Variants in ZNF283 observed in about 807,000 individuals in gnomAD.
ZNF283 encodes the protein zinc finger protein 283.
ZNF283 carries 10 observed loss-of-function variants against 9.2 expected under a neutral mutation model. The observed-to-expected ratio is 1.09, with a 90% CI of 0.67 to 1.85. The LOEUF (loss-of-function observed/expected upper bound fraction) is 1.85, where lower values mean the gene tolerates loss of function less well. Ranked by LOEUF, ZNF283 falls within the 40% of genes most tolerant of loss-of-function variation. The pLI, the probability that ZNF283 is intolerant of heterozygous loss-of-function variation, is 0.00. For missense variants in ZNF283, 631 were observed against 760.1 expected (o/e 0.83, Z 2.00); for synonymous variants, 234 against 244.1 (o/e 0.96, Z 0.38).
chr19:43,837,386 G>C, intron 6 of ZNF283: 1 of 445,960 alleles, frequency 2.2e-6, no homozygotes, highest in Non-Finnish European at 3.9e-6. Context: ...CACCATTCTC[G>C]GGCCCTCCCT....
intron 4 of ZNF283, among the ~76,000 whole-genome samples, chr19:43,835,135 A>G (rs554450176): frequency 6.6e-6 from 1 of 152,304 alleles, no homozygotes; most frequent in Non-Finnish European, 1.5e-5. Flanking sequence ...TTCCTGATGA[A>G]TTCCTTATAC....
At position 43,848,263 on chromosome 19, in the gene ZNF283, T is replaced by C. The variant is rs1172006725; in HGVS notation, c.1662T>C (p.Arg554=). 2.5e-6 allele frequency: 4 copies of C among 1,613,292 alleles called. No individual in the cohort carries two copies. The African/African-American group carries it at 4.0e-5, about 16-fold the overall frequency. The part of the protein sequence containing the change: ...ECKECGKAFS[R]GYHLTQHQKI... ...AAGAATGTGGGAAGGCTTTTAGTCG[T>C]GGCTATCACCTTACTCAACATCAGA... Residue 554 remains arginine, a synonymous_variant, in exon 7 of 7, where the codon CGT becomes CGC. Coordinates refer to ENST00000618787, the MANE Select transcript of ZNF283 (RefSeq NM_181845.2).
chr19:43,829,486 A>G (rs1970610445), intron 2 of ZNF283, among the ~76,000 whole-genome samples: 1 of 152,188 alleles, frequency 6.6e-6, no homozygotes, highest in Non-Finnish European at 1.5e-5. Context: ...TAGACAATTG[A>G]TTCAGGCCCT....
Position 43,837,054 on chromosome 19 carries a change from G to A in ZNF283, c.212G>A (p.Gly71Glu). The A allele has an allele frequency of 6.2e-7, 1 of 1,613,776 alleles. No individual in the cohort carries two copies. Among genetic ancestry groups the A allele is most frequent in the Non-Finnish European group, 8.5e-7 (1 of 1,179,914 alleles). The change falls in exon 6 of 7, where the codon GGG becomes GAG. Residue 71 changes from glycine to glutamate, a missense_variant and splice_region_variant. Physicochemically the swap from Gly to Glu is moderately conservative, Grantham distance 98. Around this residue, in one of 3 missense-constraint regions of ZNF283, gnomAD observed 184 missense variants for 220.0 expected, o/e 0.84. Transcript: ENST00000618787. ...TAATACATGGGTTTTTGGTTTTAGG[G>A]GTTGGTGACATTCAGGGATGTGGCC... ...SSCNSRTMTD[G>E]LVTFRDVAID...
intron 3 of ZNF283, among the ~76,000 whole-genome samples, 174 bp downstream of exon 3, chr19:43,831,555 T>TC (rs1271032570): frequency 6.6e-6 from 1 of 152,130 alleles, no homozygotes; most frequent in African/African-American, 2.4e-5. Context: ...AACTCAGCGG[T>TC]CCAGGAGACA....
chr19:43,851,489 G>T lies in ZNF283; in HGVS notation c.*2848G>T, dbSNP rs1439207083. On this transcript the variant is annotated 3_prime_UTR_variant, in exon 7 of 7. Coordinates refer to ENST00000618787, the MANE Select transcript of ZNF283 (RefSeq NM_181845.2). Reference sequence around the variant, plus strand: ...CCCAGAACTTTGGGAAGCCGAGGCGGGCGGATCACGAGGTCAGGAGATCAA... The same window carrying T: ...CCCAGAACTTTGGGAAGCCGAGGCGTGCGGATCACGAGGTCAGGAGATCAA... 1.3e-5 allele frequency: 2 copies of T among 151,644 alleles called. No homozygotes were observed. Among genetic ancestry groups the T allele is most frequent in the East Asian group, 3.9e-4 (2 of 5,174 alleles). 9.4% of individuals were successfully genotyped at this position (151,644 alleles called of 1,614,324 possible).
chr19:43,847,124 T>C lies in ZNF283; in HGVS notation c.523T>C (p.Phe175Leu). The change falls in exon 7 of 7, where the codon TTC becomes CTC. Residue 175 changes from phenylalanine to leucine, a missense_variant. Around this residue, in one of 3 missense-constraint regions of ZNF283, gnomAD observed 184 missense variants for 220.0 expected, o/e 0.84. Transcript: ENST00000618787. ...ACTAAAAGGACATCAAGAGGGATAC[T>C]TCAGTCAAATGATAATCAGCTATGA... is the stretch of plus-strand genomic sequence containing the variant. The part of the protein sequence containing the change: ...EGLKGHQEGY[F>L]SQMIISYEKI... 6.2e-7 allele frequency: 1 copy of C among 1,613,488 alleles called. No homozygotes were observed. The highest frequency in any genetic ancestry group is 8.5e-7 in the Non-Finnish European group (1 of 1,179,604).
Position 43,848,173 on chromosome 19 carries a change from T to C in ZNF283, c.1572T>C (p.Phe524=), listed in dbSNP as rs761671568. Residue 524 remains phenylalanine, a synonymous_variant, in exon 7 of 7, where the codon TTT becomes TTC. Coordinates refer to ENST00000618787, the MANE Select transcript of ZNF283 (RefSeq NM_181845.2). ...PYECKECGKA[F]NCGSSLVQHE... is the part of the protein sequence containing the mutation. ...AATGTAAGGAATGTGGGAAGGCTTT[T>C]AATTGTGGATCAAGCCTTGTTCAAC... 1.9e-6 allele frequency: 3 copies of C among 1,613,650 alleles called. No homozygotes were observed. In the South Asian group the frequency reaches 3.3e-5, roughly 18 times the overall value.
Position 43,847,865 on chromosome 19 carries a change from G to C in ZNF283, c.1264G>C (p.Glu422Gln). The C allele has an allele frequency of 6.2e-7, 1 of 1,613,132 alleles. No homozygotes were observed. The highest frequency in any genetic ancestry group is 8.5e-7 in the Non-Finnish European group (1 of 1,179,774). The change falls in exon 7 of 7, where the codon GAA becomes CAA. Residue 422 changes from glutamate to glutamine, a missense_variant. Glu to Gln is a conservative substitution (Grantham distance 29). Around this residue, in one of 3 missense-constraint regions of ZNF283, gnomAD observed 444 missense variants for 522.5 expected, o/e 0.85. Transcript: ENST00000618787. ...FNCGSSLIQH[E>Q]RIHTGEKPYE... ...TTGCGGATCAAGTCTTATTCAACAT[G>C]AAAGAATTCATACTGGTGAGAAACC...
At position 43,847,165 on chromosome 19, in the gene ZNF283, C is replaced by G; in HGVS notation, c.564C>G (p.Tyr188Ter). 1 of 1,613,540 alleles carries G rather than the reference C, an allele frequency of 6.2e-7. No individual in the cohort carries two copies. The highest frequency in any genetic ancestry group is 8.5e-7 in the Non-Finnish European group (1 of 1,179,656). Residue 188 changes from tyrosine (Y) to a stop codon, truncating the protein, a stop_gained, in exon 7 of 7, where the codon TAC (tyrosine) becomes TAG (stop). Transcript: ENST00000618787. LOFTEE classifies it low-confidence loss of function (END_TRUNC). ...TCAGCTATGAAAAAATACCTTCTTA[C>G]AGAAAAAGTAAATCTCTTACTCCAC... ...MIISYEKIPS[Y>*]RKSKSLTPHQ... is the part of the protein sequence containing the mutation.
At position 43,851,718 on chromosome 19, in the gene ZNF283, AAAAAAT is replaced by A. The variant is rs1041775469; in HGVS notation, c.*3089_*3094del. 2 of 152,318 alleles carry A rather than the reference AAAAAAT, an allele frequency of 1.3e-5. No individual in the cohort carries two copies. The highest frequency in any genetic ancestry group is 1.9e-4 in the East Asian group (1 of 5,202). 9.4% of individuals were successfully genotyped at this position (152,318 alleles called of 1,614,324 possible). A position where few individuals can be genotyped will look rare whatever the true frequency, so the allele number is the denominator to read the frequency against. ...GGCGACAGAGCGAGACTCCGTCTCA[AAAAAAT>A]AAAAATAAAAAAAGACTAAGGAGTA... On this transcript the variant is annotated 3_prime_UTR_variant, in exon 7 of 7. Transcript: ENST00000618787.
At chr19:43,840,232 GA>G (rs1200477038) in intron 6 of ZNF283, among the ~76,000 whole-genome samples, 2 of 151,986 alleles carry the variant, frequency 1.3e-5, no homozygotes, top group Non-Finnish European at 1.5e-5. Context: ...AAAAGGGGAG[GA>G]AAAAAAGGTC....
At chr19:43,829,237 T>C (rs968909606) in intron 2 of ZNF283, among the ~76,000 whole-genome samples, 2 of 151,988 alleles carry the variant, frequency 1.3e-5, no homozygotes, top group African/African-American at 4.8e-5. Flanking sequence ...TACAAAAAAT[T>C]AGCTGGGCGT....
intron 6 of ZNF283, among the ~76,000 whole-genome samples, chr19:43,838,255 T>C (rs973610774): frequency 6.6e-6 from 1 of 152,246 alleles, no homozygotes; most frequent in African/African-American, 2.4e-5. Context: ...AGGTAGCGTC[T>C]GCTGGCTTCC....
At chr19:43,836,978 C>A (rs1212926245) in intron 5 of ZNF283, 75 bp from the exon 6 acceptor site, 2 of 1,534,344 alleles carry the variant, frequency 1.3e-6, no homozygotes, top group Admixed American at 1.7e-5. Flanking sequence ...TGTAGTTCAT[C>A]CTTTGTACCC....
intron 2 of ZNF283, 27 bp from the exon 3 acceptor site, chr19:43,831,291 G>A (rs368585814): frequency 3.2e-4 from 484 of 1,535,392 alleles, no homozygotes; most frequent in Non-Finnish European, 4.1e-4. Flanking sequence ...TTTGAAGGTG[G>A]TTTATCTCAT....
intron 6 of ZNF283, 165 bp downstream of exon 6, chr19:43,837,344 C>T (rs182107827): frequency 1.4e-5 from 9 of 623,662 alleles, no homozygotes; most frequent in Admixed American, 1.4e-4. Context: ...TTGTTAAACA[C>T]GTTGATCTTC....
rs1971014412 is a variant in ZNF283, at chr19:43,837,120, C to T, written c.278C>T (p.Ala93Val). 1 of 1,614,022 alleles carries T rather than the reference C, an allele frequency of 6.2e-7. No homozygotes were observed. Among genetic ancestry groups the T allele is most frequent in the Non-Finnish European group, 8.5e-7 (1 of 1,179,944 alleles). Residue 93 changes from alanine (A) to valine (V), a missense_variant, in exon 6 of 7, where the codon GCT (alanine) becomes GTT (valine). Physicochemically the swap from Ala to Val is moderately conservative, Grantham distance 64. Transcript: ENST00000618787. ...SQEEWECLDPAQRDLYVDVML... is the reference protein window; with the variant it reads ...SQEEWECLDPVQRDLYVDVML... The stretch of plus-strand genomic sequence containing the variant: ...GAGGAGTGGGAATGCCTGGACCCTG[C>T]TCAGAGGGACTTGTACGTGGATGTA...
rs1183190962 is a variant in ZNF283 at position 43,848,098 on chromosome 19, G to T, written c.1497G>T (p.Gly499=). The part of the protein sequence containing the change: ...CKECGKTFCS[G]YQLTRHQVFH... ...AATGCGGAAAGACCTTTTGTAGTGGGTATCAACTTACTCGACATCAGGTAT... is the reference window on the plus strand; with the variant it reads ...AATGCGGAAAGACCTTTTGTAGTGGTTATCAACTTACTCGACATCAGGTAT... The change falls in exon 7 of 7, where the codon GGG becomes GGT. Residue 499 remains glycine, a synonymous_variant. Transcript: ENST00000618787. 1 of 1,602,594 alleles carries T rather than the reference G, an allele frequency of 6.2e-7. No individual in the cohort carries two copies. The highest frequency in any genetic ancestry group is 1.1e-5 in the South Asian group (1 of 90,634).
Sources: allele counts gnomAD v4.1 joint callset (sites outside exome capture counted in the v4.1 genomes callset), GRCh38; gene constraint gnomAD v4.1.1; regional missense constraint gnomAD v4.1.1; transcripts MANE v1.5; gene names NCBI Gene and HGNC (gene_info 2026-07-23, HGNC 2026-07-21).